The following PRKCA variants were observed in gnomAD, a reference collection of about 807,000 sequenced individuals.
PRKCA encodes protein kinase C alpha type.
PRKCA carries 27 observed loss-of-function variants against 87.0 expected under a neutral mutation model. The observed-to-expected ratio is 0.31, with a 90% CI of 0.23 to 0.43. PRKCA has a LOEUF of 0.43. Ranked by LOEUF, PRKCA falls within the 20% of genes least tolerant of loss-of-function variation. The probability of loss-of-function intolerance (pLI) is 1.00; values close to 1 mark genes in which losing one functional copy is unlikely to be tolerated. For synonymous variants in PRKCA, 329 were observed against 311.1 expected (o/e 1.06, Z -0.61); for missense variants, 518 against 852.3 (o/e 0.61, Z 4.88).
At chr17:66,655,687 C>G (rs1302393287) in intron 5 of PRKCA, among the ~76,000 whole-genome samples, 1 of 152,094 alleles carries the variant, frequency 6.6e-6, no homozygotes, top group Non-Finnish European at 1.5e-5. Context: ...AAATTTGTAC[C>G]AAATGTGTGT....
intron 2 of PRKCA, among the ~76,000 whole-genome samples, chr17:66,337,567 T>TA (rs1313483529): frequency 6.6e-6 from 1 of 151,778 alleles, no homozygotes; most frequent in Non-Finnish European, 1.5e-5. Context: ...TTTTTTTTTT[T>TA]AAGAGATGAG....
intron 2 of PRKCA, among the ~76,000 whole-genome samples, chr17:66,319,241 A>G (rs1444396237): frequency 1.3e-5 from 2 of 152,012 alleles, no homozygotes; most frequent in African/African-American, 4.8e-5. Context: ...TTTTTGTTTA[A>G]TTTTCTGAGT....
At chr17:66,643,369 A>C (rs1368392288) in intron 4 of PRKCA, among the ~76,000 whole-genome samples, 1 of 152,230 alleles carries the variant, frequency 6.6e-6, no homozygotes, top group Non-Finnish European at 1.5e-5. Flanking sequence ...TAATGCAAAA[A>C]TAAATGAGAT....
intron 2 of PRKCA, among the ~76,000 whole-genome samples, chr17:66,417,565 A>C (rs549874089): frequency 6.6e-6 from 1 of 152,046 alleles, no homozygotes; most frequent in East Asian, 1.9e-4. Context: ...TTGAGCAAAC[A>C]CTCATCACAT....
At chr17:66,405,149 A>G in intron 2 of PRKCA, among the ~76,000 whole-genome samples, 1 of 152,044 alleles carries the variant, frequency 6.6e-6, no homozygotes, top group Non-Finnish European at 1.5e-5. Flanking sequence ...GAGCACAGTG[A>G]TTGTCCATGG....
At chr17:66,788,369 C>G (rs1439601715) in intron 15 of PRKCA, among the ~76,000 whole-genome samples, 3 of 152,126 alleles carry the variant, frequency 2.0e-5, no homozygotes, top group African/African-American at 7.2e-5. Context: ...ATTTATTTTT[C>G]TAATCTATGA....
At position 66,441,344 on chromosome 17, in the gene PRKCA, CA is replaced by C. The variant is rs141623507; in HGVS notation, c.206-54844del. ...GGACGACAGAACAACGCCCTGTTTC[CA>C]AAAAAAAAAAAAGATTGGGGTGCTC... is the stretch of plus-strand genomic sequence containing the variant. On this transcript the variant is annotated intron_variant, in intron 2 of 16. Transcript: ENST00000413366. Among the ~76,000 whole-genome samples the C allele has an allele frequency of 4.4e-3, 621 of 140,034 alleles. 5 individuals are homozygous for C. The highest frequency in any genetic ancestry group is 0.043 in the East Asian group (206 of 4,824). 91.9% of individuals were successfully genotyped at this position (140,034 alleles called of 152,430 possible). A position where few individuals can be genotyped will look rare whatever the true frequency, so the allele number is the denominator to read the frequency against.
chr17:66,389,708 G>A (rs1255309964), intron 2 of PRKCA, among the ~76,000 whole-genome samples: 1 of 152,196 alleles, frequency 6.6e-6, no homozygotes, highest in Non-Finnish European at 1.5e-5. Context: ...TTTAGAGATT[G>A]GCTGAGGAGC....
chr17:66,352,808 C>T (rs1013610946), intron 2 of PRKCA, among the ~76,000 whole-genome samples: 33 of 151,794 alleles, frequency 2.2e-4, no homozygotes, highest in Non-Finnish European at 4.1e-4. Context: ...GTGATCCGCC[C>T]GCCTCTACCT....
At chr17:66,444,200 G>A (rs1243523008) in intron 2 of PRKCA, among the ~76,000 whole-genome samples, 1 of 152,178 alleles carries the variant, frequency 6.6e-6, no homozygotes. Flanking sequence ...TTTGCTGAGG[G>A]CTCCCTGGGT....
chr17:66,335,432 G>A (rs1028819329), intron 2 of PRKCA, among the ~76,000 whole-genome samples: 1 of 152,082 alleles, frequency 6.6e-6, no homozygotes, highest in Non-Finnish European at 1.5e-5. Context: ...TCTACACATA[G>A]TGGGAAGTTA....
rs564215545 is a variant in PRKCA, at chr17:66,711,164, G to A, written c.919-21524G>A. ...AAAGCATCCATCCAATGAACAGAAAGAGTGCATCTTTAAATGGACAGCTCA... is the reference window on the plus strand; with the variant it reads ...AAAGCATCCATCCAATGAACAGAAAAAGTGCATCTTTAAATGGACAGCTCA... On this transcript the variant is annotated intron_variant, in intron 8 of 16. Transcript: ENST00000413366. Among the ~76,000 whole-genome samples, 6 of 152,326 alleles carry A rather than the reference G, an allele frequency of 3.9e-5. No individual in the cohort carries two copies. The South Asian group carries it at 1.2e-3, about 32-fold the overall frequency.
chr17:66,488,264 T>C (rs1916074046), intron 2 of PRKCA, among the ~76,000 whole-genome samples: 1 of 152,238 alleles, frequency 6.6e-6, no homozygotes, highest in Non-Finnish European at 1.5e-5. Context: ...GTGTATGATA[T>C]GACTTTGTGG....
intron 2 of PRKCA, among the ~76,000 whole-genome samples, chr17:66,309,505 A>G (rs1182558794): frequency 6.6e-6 from 1 of 152,184 alleles, no homozygotes; most frequent in Non-Finnish European, 1.5e-5. Context: ...TTACCAGGGC[A>G]AGTAACACAG....
intron 2 of PRKCA, among the ~76,000 whole-genome samples, chr17:66,395,781 G>A (rs1910629852): frequency 6.6e-6 from 1 of 152,182 alleles, no homozygotes; most frequent in African/African-American, 2.4e-5. Flanking sequence ...CAGGCAATGA[G>A]AAATCCTTCA....
chr17:66,678,847 G>A (rs186128719), intron 5 of PRKCA, among the ~76,000 whole-genome samples: 28 of 152,096 alleles, frequency 1.8e-4, no homozygotes, highest in Admixed American at 1.2e-3. Context: ...TCTCTACATC[G>A]GTGCAGATTT....
At chr17:66,765,368 G>A (rs1313085105) in intron 13 of PRKCA, among the ~76,000 whole-genome samples, 3 of 143,588 alleles carry the variant, frequency 2.1e-5, no homozygotes, top group South Asian at 2.2e-4. Flanking sequence ...AGCCGAGATC[G>A]TGTCATCGTG....
intron 8 of PRKCA, among the ~76,000 whole-genome samples, chr17:66,710,784 C>G (rs1038674055): frequency 6.6e-6 from 1 of 152,036 alleles, no homozygotes. Context: ...AATCCCAGCA[C>G]TTTGGGAGGC....
Position 66,313,758 on chromosome 17 carries a change from G to T in PRKCA, c.205+7631G>T, listed in dbSNP as rs559949163. 7.9e-5 allele frequency among the ~76,000 whole-genome samples: 12 copies of T among 152,250 alleles called. No homozygotes were observed. The South Asian group carries it at 2.5e-3, about 32-fold the overall frequency. ...TTTTTAAAATTTTTGTACCTGAAAG[G>T]TTTTTGTGCGTTAATACATTTTTTG... On this transcript the variant is annotated intron_variant, in intron 2 of 16. Coordinates refer to ENST00000413366, the MANE Select transcript of PRKCA (RefSeq NM_002737.3).
Sources: gnomAD v4.1 joint callset for allele counts (sites outside exome capture counted in the v4.1 genomes callset) on GRCh38, gnomAD v4.1.1 for gene constraint, MANE v1.5 for transcripts, NCBI Gene and HGNC (gene_info 2026-07-23, HGNC 2026-07-21) for gene names.